WNT9B: variants seen among roughly 807,000 people sequenced by gnomAD.
The protein encoded by WNT9B is protein Wnt-9b.
A neutral mutation model predicts 30.2 loss-of-function variants in WNT9B; 12 were observed. The ratio of observed to expected loss-of-function variants is 0.40; its 90% confidence interval spans 0.26 to 0.64. WNT9B has a LOEUF of 0.64. Ranked by LOEUF, WNT9B falls within the 30% of genes least tolerant of loss-of-function variation. The pLI, the probability that WNT9B is intolerant of heterozygous loss-of-function variation, is 0.42. For synonymous variants in WNT9B, 218 were observed against 216.9 expected (o/e 1.01, Z -0.05); for missense variants, 442 against 485.2 (o/e 0.91, Z 0.84).
At chr17:46,844,818 C>G (rs1873671777) in intron 1 of WNT9B, among the ~76,000 whole-genome samples, 1 of 151,120 alleles carries the variant, frequency 6.6e-6, no homozygotes, top group Admixed American at 6.6e-5. Context: ...TCCCTTCCTT[C>G]CTTCCTTCCT....
At chr17:46,834,186 C>A (rs959127814) in intron 1 of WNT9B, among the ~76,000 whole-genome samples, 2 of 152,016 alleles carry the variant, frequency 1.3e-5, no homozygotes, top group East Asian at 1.9e-4. Flanking sequence ...TGGAGTGAGA[C>A]CCTGTTTCAA....
rs547851930 is a variant in WNT9B, at chr17:46,879,707, G to A, written c.*2989G>A. Among the ~76,000 whole-genome samples, 2 of 152,272 alleles carry A rather than the reference G, an allele frequency of 1.3e-5. No individual in the cohort carries two copies. Among genetic ancestry groups the A allele is most frequent in the South Asian group, 2.1e-4 (1 of 4,812 alleles). ...AACATCTCCATAGACCAGGCACTAC[G>A]GGCTGACCTGCTCTGAGCCCAGGAG... On this transcript the variant is annotated 3_prime_UTR_variant, in exon 4 of 4. Transcript: ENST00000290015.
chr17:46,864,362 A>G (rs1217204876), intron 1 of WNT9B, among the ~76,000 whole-genome samples: 1 of 152,108 alleles, frequency 6.6e-6, no homozygotes, highest in Non-Finnish European at 1.5e-5. Flanking sequence ...TTCTCTTCAC[A>G]TACCAGGCCC....
chr17:46,871,401 A>C (rs1012491120), intron 1 of WNT9B, among the ~76,000 whole-genome samples: 17 of 152,160 alleles, frequency 1.1e-4, no homozygotes, highest in African/African-American at 3.9e-4. Context: ...TCTAATTCCA[A>C]TTCCCACCCT....
rs2085344071 is a variant in WNT9B at position 46,876,268 on chromosome 17, C to T, written c.624C>T (p.Thr208=). 2.5e-6 allele frequency: 4 copies of T among 1,612,118 alleles called. No individual in the cohort carries two copies. In the African/African-American group the frequency reaches 5.3e-5, roughly 22 times the overall value. Residue 208 remains threonine (T), a synonymous_variant, in exon 4 of 4, where the codon ACC becomes ACT. Transcript: ENST00000290015. The part of the protein sequence containing the change: ...GIKAVKSGLR[T]TCKCHGVSGS... Reference sequence around the variant, plus strand: ...AGGCTGTGAAGAGTGGCCTCAGGACCACGTGTAAGTGCCATGGCGTATCAG... The same window carrying T: ...AGGCTGTGAAGAGTGGCCTCAGGACTACGTGTAAGTGCCATGGCGTATCAG...
At chr17:46,874,888 A>C in intron 2 of WNT9B, 2 of 742,170 alleles carry the variant, frequency 2.7e-6, no homozygotes, top group Non-Finnish European at 4.6e-6. Context: ...TGGAAGTTCC[A>C]TTTAAATGGC....
intron 3 of WNT9B, 128 bp downstream of exon 3, chr17:46,875,494 A>T: frequency 7.7e-7 from 1 of 1,297,124 alleles, no homozygotes; most frequent in Non-Finnish European, 1.0e-6. Flanking sequence ...TAAAGGCAGG[A>T]TGAACTTCAC....
intron 1 of WNT9B, among the ~76,000 whole-genome samples, chr17:46,857,612 T>C (rs1390606412): frequency 6.6e-6 from 1 of 151,766 alleles, no homozygotes; most frequent in African/African-American, 2.4e-5. Context: ...TGTCTAGGAG[T>C]GGATTGTTGG....
At position 46,872,730 on chromosome 17, in the gene WNT9B, C is replaced by A; in HGVS notation, c.291C>A (p.Arg97=). 6.2e-7 allele frequency: 1 copy of A among 1,604,888 alleles called. No homozygotes were observed. The highest frequency in any genetic ancestry group is 8.5e-7 in the Non-Finnish European group (1 of 1,175,828). ...LECQFQFRHE[R]WNCSLEGRMG... ...GCCAGTTTCAGTTCCGGCATGAGCG[C>A]TGGAACTGTAGCCTGGAGGGCAGGA... The change falls in exon 2 of 4, where the codon CGC becomes CGA. Residue 97 remains arginine (R), a synonymous_variant. Coordinates refer to ENST00000290015, the MANE Select transcript of WNT9B (RefSeq NM_003396.3).
At chr17:46,885,110 G>T (rs148964384), downstream of WNT9B, 811 of 424,872 alleles carry the variant, frequency 1.9e-3, 5 homozygotes, top group African/African-American at 0.015. Context: ...CGTCTCAGCT[G>T]CCTGAGTAAC....
intron 1 of WNT9B, among the ~76,000 whole-genome samples, chr17:46,839,645 T>C (rs1165086813): frequency 6.6e-6 from 1 of 152,186 alleles, no homozygotes; most frequent in African/African-American, 2.4e-5. Flanking sequence ...AACTCATCAT[T>C]TACACTAGGC....
intron 1 of WNT9B, among the ~76,000 whole-genome samples, chr17:46,855,262 T>C (rs770482559): frequency 5.3e-5 from 8 of 152,228 alleles, no homozygotes; most frequent in Non-Finnish European, 7.3e-5. Flanking sequence ...CCCTGCTTAA[T>C]TGACTCTTTT....
intron 1 of WNT9B, among the ~76,000 whole-genome samples, chr17:46,854,779 G>C (rs2084912023): frequency 6.6e-6 from 1 of 152,070 alleles, no homozygotes; most frequent in Admixed American, 6.6e-5. Context: ...TCCTGCCTCA[G>C]CTTTCCGAGA....
intron 1 of WNT9B, among the ~76,000 whole-genome samples, chr17:46,868,371 C>T (rs1384589116): frequency 6.6e-6 from 1 of 151,868 alleles, no homozygotes; most frequent in Non-Finnish European, 1.5e-5. Flanking sequence ...GTGGGCGGAT[C>T]ACATGAGGTC....
chr17:46,872,352 T>C (rs1025450392), intron 1 of WNT9B, among the ~76,000 whole-genome samples, 165 bp from the exon 2 acceptor site: 4 of 152,232 alleles, frequency 2.6e-5, no homozygotes, highest in Non-Finnish European at 4.4e-5. Context: ...CTTTGTTACA[T>C]GAACCTTGGT....
intron 1 of WNT9B, among the ~76,000 whole-genome samples, chr17:46,858,232 T>A (rs921209523): frequency 6.6e-6 from 1 of 152,286 alleles, no homozygotes; most frequent in Admixed American, 6.5e-5. Context: ...GCCTAAGAGT[T>A]CTTTATATAT....
intron 1 of WNT9B, among the ~76,000 whole-genome samples, chr17:46,856,674 C>T (rs1208187287): frequency 2.6e-5 from 4 of 151,914 alleles, no homozygotes; most frequent in African/African-American, 9.7e-5. Context: ...AGTGAAGACA[C>T]GGTTTCACCA....
chr17:46,876,194 G>A, intron 3 of WNT9B, 51 bp from the exon 4 acceptor site: 7 of 1,513,320 alleles, frequency 4.6e-6, no homozygotes, highest in South Asian at 2.6e-5. Context: ...GGCAGGCTCT[G>A]GCTGCTGGGC....
intron 1 of WNT9B, among the ~76,000 whole-genome samples, chr17:46,862,017 GC>G (rs1489808145): frequency 6.6e-6 from 1 of 152,156 alleles, no homozygotes; most frequent in East Asian, 1.9e-4. Flanking sequence ...TACAAAAATA[GC>G]TGGGCGTGGT....
Sources: allele counts gnomAD v4.1 joint callset (sites outside exome capture counted in the v4.1 genomes callset), GRCh38; gene constraint gnomAD v4.1.1; transcripts MANE v1.5; gene names NCBI Gene and HGNC (gene_info 2026-07-23, HGNC 2026-07-21).